The following KIAA0825 variants were observed in gnomAD, a reference collection of about 807,000 sequenced individuals.
KIAA0825 encodes the protein KIAA0825.
Under a neutral mutation model 147.6 loss-of-function variants are expected in KIAA0825, and 119 were observed. The observed-to-expected ratio is 0.81, with a 90% CI of 0.69 to 0.94. The LOEUF is 0.94. Among genes scored for constraint, KIAA0825 ranks in the 40% least tolerant of loss-of-function variants. KIAA0825 has a pLI of 0.00. For synonymous variants in KIAA0825, 470 were observed against 518.1 expected (o/e 0.91, Z 1.26); for missense variants, 1,381 against 1,472.7 (o/e 0.94, Z 1.02).
intron 20 of KIAA0825, among the ~76,000 whole-genome samples, chr5:94,334,676 G>A (rs1374611050): frequency 1.3e-5 from 2 of 152,066 alleles, no homozygotes; most frequent in Non-Finnish European, 2.9e-5. Flanking sequence ...TAGAGACAGG[G>A]TTTCACCATG....
intron 20 of KIAA0825, among the ~76,000 whole-genome samples, chr5:94,326,350 G>A (rs1050640857): frequency 6.6e-6 from 1 of 152,094 alleles, no homozygotes; most frequent in Non-Finnish European, 1.5e-5. Context: ...AAACTTAGGA[G>A]GTAGGGGGAG....
chr5:94,565,960 C>T (rs1029955887), intron 2 of KIAA0825, among the ~76,000 whole-genome samples: 3 of 152,154 alleles, frequency 2.0e-5, no homozygotes, highest in Non-Finnish European at 2.9e-5. Context: ...TTGTAAACAT[C>T]GTTCTACTGT....
At chr5:94,358,419 T>A (rs1019919217) in intron 20 of KIAA0825, among the ~76,000 whole-genome samples, 10 of 152,214 alleles carry the variant, frequency 6.6e-5, no homozygotes, top group African/African-American at 2.2e-4. Flanking sequence ...AAGACAGTAA[T>A]CTCTTGCCCT....
intron 20 of KIAA0825, among the ~76,000 whole-genome samples, chr5:94,340,558 T>G (rs1015419247): frequency 8.5e-5 from 13 of 152,226 alleles, no homozygotes; most frequent in Non-Finnish European, 1.6e-4. Flanking sequence ...ACTTACATCA[T>G]TTTAAGTTCA....
intron 20 of KIAA0825, among the ~76,000 whole-genome samples, chr5:94,335,248 A>G (rs1562388773): frequency 1.3e-5 from 2 of 152,202 alleles, no homozygotes; most frequent in Non-Finnish European, 2.9e-5. Context: ...AAATTGCAGT[A>G]AAACTAGAAA....
intron 3 of KIAA0825, among the ~76,000 whole-genome samples, chr5:94,535,222 A>G (rs1191442077): frequency 6.6e-6 from 1 of 151,926 alleles, no homozygotes; most frequent in Non-Finnish European, 1.5e-5. Context: ...AAAGCTTGTA[A>G]TCATAGGCCA....
chr5:94,452,714 C>T (rs1361322990), intron 13 of KIAA0825, among the ~76,000 whole-genome samples: 1 of 152,066 alleles, frequency 6.6e-6, no homozygotes, highest in Non-Finnish European at 1.5e-5. Flanking sequence ...AACTAAATTC[C>T]AAAAATTTAC....
chr5:94,364,646 T>C (rs1455358879), intron 20 of KIAA0825, among the ~76,000 whole-genome samples: 1 of 152,120 alleles, frequency 6.6e-6, no homozygotes, highest in Non-Finnish European at 1.5e-5. Flanking sequence ...CCTCCCAAAG[T>C]GCTGGGATTA....
rs972907750 is a variant in KIAA0825, at chr5:94,153,802, A to T, written c.*205T>A. ...ATATAAAGAGAAAGATTGGGGAAAGAAAAACATTTGAAATTATTTTTAAAA... is the reference window on the plus strand; with the variant it reads ...ATATAAAGAGAAAGATTGGGGAAAGTAAAACATTTGAAATTATTTTTAAAA... On this transcript the variant is annotated 3_prime_UTR_variant, in exon 21 of 21. Coordinates refer to ENST00000682413, the MANE Select transcript of KIAA0825 (RefSeq NM_001145678.3). 4.9e-6 allele frequency: 2 copies of T among 409,758 alleles called. No individual in the cohort carries two copies. The highest frequency in any genetic ancestry group is 4.0e-5 in the African/African-American group (2 of 49,560). 25.4% of individuals were successfully genotyped at this position (409,758 alleles called of 1,614,324 possible).
At chr5:94,316,295 G>T (rs755485075) in intron 20 of KIAA0825, among the ~76,000 whole-genome samples, 4 of 151,014 alleles carry the variant, frequency 2.6e-5, no homozygotes, top group Non-Finnish European at 4.4e-5. Flanking sequence ...TAAAATATGA[G>T]TATTAAAAGT....
In KIAA0825 at chr5:94,440,018, C is replaced by G; in HGVS notation, c.2461G>C (p.Asp821His). The change falls in exon 14 of 21, where the codon GAT (aspartate) becomes CAT (histidine). Residue 821 changes from aspartate (D) to histidine (H), a missense_variant. Transcript: ENST00000682413. ...NLLLETLLHHDGLLLRILLKS... is the reference protein window; with the variant it reads ...NLLLETLLHHHGLLLRILLKS... ...AGCAAGATTCTCAGTAAAAGTCCAT[C>G]ATGATGCAGTAGGGTTTCCAGAAGC... 5.2e-6 allele frequency: 8 copies of G among 1,551,742 alleles called. No individual in the cohort carries two copies. The highest frequency in any genetic ancestry group is 7.0e-6 in the Non-Finnish European group (8 of 1,146,834).
intron 20 of KIAA0825, among the ~76,000 whole-genome samples, chr5:94,255,989 C>T (rs75798290): frequency 9.2e-4 from 140 of 152,088 alleles, no homozygotes; most frequent in Non-Finnish European, 6.3e-4. Flanking sequence ...ATTGGGATTA[C>T]AGATGTAAGC....
intron 20 of KIAA0825, among the ~76,000 whole-genome samples, chr5:94,294,265 A>C (rs2150170895): frequency 6.6e-6 from 1 of 152,284 alleles, no homozygotes; most frequent in East Asian, 1.9e-4. Context: ...AGTGGCTGAT[A>C]CTGGTTTTTC....
chr5:94,260,739 A>G (rs1048795064), intron 20 of KIAA0825, among the ~76,000 whole-genome samples: 5 of 152,128 alleles, frequency 3.3e-5, no homozygotes, highest in Middle Eastern at 3.2e-3. Context: ...CATGATTTCA[A>G]TTACAGTGAA....
intron 5 of KIAA0825, among the ~76,000 whole-genome samples, chr5:94,508,004 C>G (rs1272935089): frequency 2.0e-5 from 3 of 152,150 alleles, no homozygotes; most frequent in Non-Finnish European, 4.4e-5. Context: ...TTCATCTAGT[C>G]AGTCTGTCTT....
chr5:94,581,581 G>A (rs1247037720), intron 2 of KIAA0825, among the ~76,000 whole-genome samples: 1 of 152,162 alleles, frequency 6.6e-6, no homozygotes, highest in Non-Finnish European at 1.5e-5. Context: ...CAGTTCTAAT[G>A]TGAAATCGTG....
At chr5:94,600,404 C>A (rs758746634) in intron 1 of KIAA0825, among the ~76,000 whole-genome samples, 18 of 151,548 alleles carry the variant, frequency 1.2e-4, no homozygotes, top group Non-Finnish European at 2.2e-4. Flanking sequence ...TATTTCCTTA[C>A]ATATATTATA....
intron 2 of KIAA0825, among the ~76,000 whole-genome samples, chr5:94,574,485 G>A (rs576392184): frequency 3.7e-4 from 55 of 148,668 alleles, no homozygotes; most frequent in Non-Finnish European, 5.9e-4. Context: ...GGGAGGTTGC[G>A]GTGAGCCAAG....
chr5:94,286,060 A>C (rs934702503), intron 20 of KIAA0825, among the ~76,000 whole-genome samples: 1 of 152,200 alleles, frequency 6.6e-6, no homozygotes, highest in Non-Finnish European at 1.5e-5. Flanking sequence ...TGCCTAATGC[A>C]CTGAAAGCAA....
Sources: allele counts gnomAD v4.1 joint callset (sites outside exome capture counted in the v4.1 genomes callset), GRCh38; gene constraint gnomAD v4.1.1; transcripts MANE v1.5; gene names NCBI Gene and HGNC (gene_info 2026-07-23, HGNC 2026-07-21).